UNC5D: variants seen among roughly 807,000 people sequenced by gnomAD.
UNC5D encodes the protein netrin receptor UNC5D.
UNC5D carries 39 observed loss-of-function variants against 105.4 expected under a neutral mutation model. That is an observed-to-expected ratio of 0.37 (90% CI 0.29 to 0.48). The LOEUF (loss-of-function observed/expected upper bound fraction) is 0.48. UNC5D is among the 20% of genes least tolerant of loss of function. The pLI is 0.98. For synonymous variants in UNC5D, 452 were observed against 450.4 expected (o/e 1.00, Z -0.04); for missense variants, 991 against 1,202.4 (o/e 0.82, Z 2.60).
chr8:35,700,833 G>A (rs946852855), intron 7 of UNC5D, among the ~76,000 whole-genome samples: 3 of 152,168 alleles, frequency 2.0e-5, no homozygotes, highest in African/African-American at 7.2e-5. Context: ...GTGGAGTCAT[G>A]TTAGATTCTT....
chr8:35,271,950 A>G (rs1482629542), intron 1 of UNC5D, among the ~76,000 whole-genome samples: 3 of 152,070 alleles, frequency 2.0e-5, no homozygotes, highest in South Asian at 4.1e-4. Context: ...TGTAGATAAG[A>G]ATATCATGGC....
intron 11 of UNC5D, among the ~76,000 whole-genome samples, chr8:35,744,370 T>C (rs1250439173): frequency 2.0e-5 from 3 of 152,260 alleles, no homozygotes; most frequent in Non-Finnish European, 4.4e-5. Flanking sequence ...ACTTTGGGAA[T>C]GTGTAAATAG....
intron 2 of UNC5D, among the ~76,000 whole-genome samples, chr8:35,555,495 T>G (rs1816476027): frequency 6.6e-6 from 1 of 152,188 alleles, no homozygotes; most frequent in African/African-American, 2.4e-5. Context: ...GACCAGTCTC[T>G]TTAGTTCACA....
chr8:35,579,830 A>G (rs1818355030), intron 3 of UNC5D, among the ~76,000 whole-genome samples: 2 of 152,200 alleles, frequency 1.3e-5, no homozygotes, highest in Admixed American at 1.3e-4. Flanking sequence ...ATGCTATCAT[A>G]CTTTCCAAAC....
chr8:35,714,060 T>C (rs1050872613), intron 8 of UNC5D, among the ~76,000 whole-genome samples: 5 of 152,108 alleles, frequency 3.3e-5, no homozygotes, highest in Admixed American at 2.6e-4. Flanking sequence ...AATCAAAGAC[T>C]GGGGGTGTGG....
At chr8:35,781,975 A>G (rs1022975326) in intron 16 of UNC5D, among the ~76,000 whole-genome samples, 3 of 152,250 alleles carry the variant, frequency 2.0e-5, no homozygotes, top group African/African-American at 7.2e-5. Flanking sequence ...CACCACTTTT[A>G]GAACAAGGCA....
intron 3 of UNC5D, among the ~76,000 whole-genome samples, chr8:35,571,053 A>T (rs1010209523): frequency 6.6e-6 from 1 of 152,060 alleles, no homozygotes; most frequent in Non-Finnish European, 1.5e-5. Context: ...GGGGTTTGCT[A>T]TGTTGCCCAG....
At chr8:35,386,563 G>T (rs1484598675) in intron 1 of UNC5D, among the ~76,000 whole-genome samples, 1 of 152,224 alleles carries the variant, frequency 6.6e-6, no homozygotes, top group Non-Finnish European at 1.5e-5. Context: ...TAGAAGAGCT[G>T]TTGCTGTATT....
chr8:35,707,947 A>G (rs1470430574), intron 8 of UNC5D, among the ~76,000 whole-genome samples: 2 of 152,198 alleles, frequency 1.3e-5, no homozygotes, highest in African/African-American at 4.8e-5. Context: ...TGTGATTGCA[A>G]AAGGCTCCCA....
At chr8:35,288,678 C>CA (rs1563283020) in intron 1 of UNC5D, among the ~76,000 whole-genome samples, 1 of 152,068 alleles carries the variant, frequency 6.6e-6, no homozygotes, top group Admixed American at 6.5e-5. Flanking sequence ...ATAGAAATTA[C>CA]AAAAACAAAT....
chr8:35,541,671 T>C (rs921757264), intron 1 of UNC5D, among the ~76,000 whole-genome samples: 9 of 151,802 alleles, frequency 5.9e-5, no homozygotes, highest in Non-Finnish European at 1.2e-4. Context: ...CTCTCCTCTG[T>C]ACCCAATGAC....
chr8:35,708,549 A>G (rs1827745034), intron 8 of UNC5D, among the ~76,000 whole-genome samples: 1 of 152,206 alleles, frequency 6.6e-6, no homozygotes, highest in African/African-American at 2.4e-5. Flanking sequence ...TCTGAATGGC[A>G]AACACGCACC....
intron 4 of UNC5D, among the ~76,000 whole-genome samples, chr8:35,598,950 C>T (rs1199921452): frequency 1.3e-5 from 2 of 151,980 alleles, no homozygotes; most frequent in Non-Finnish European, 2.9e-5. Flanking sequence ...TGAGACCAGC[C>T]TGCCTAACAT....
intron 14 of UNC5D, among the ~76,000 whole-genome samples, chr8:35,760,854 T>C (rs770168228): frequency 3.3e-5 from 5 of 152,004 alleles, no homozygotes; most frequent in East Asian, 1.9e-4. Context: ...AAAACCTTGA[T>C]TGCATCATGA....
At chr8:35,705,583 G>A (rs933300478) in intron 7 of UNC5D, among the ~76,000 whole-genome samples, 14 of 152,106 alleles carry the variant, frequency 9.2e-5, no homozygotes, top group African/African-American at 3.4e-4. Flanking sequence ...ATCCTTACCT[G>A]AGCAGGCTTC....
intron 3 of UNC5D, among the ~76,000 whole-genome samples, chr8:35,578,271 A>ATT (rs1818234785): frequency 8.8e-6 from 1 of 113,862 alleles, no homozygotes; most frequent in Non-Finnish European, 1.9e-5. Flanking sequence ...CTCTGTCTCA[A>ATT]AAAAAAAAAA....
intron 1 of UNC5D, among the ~76,000 whole-genome samples, chr8:35,429,935 T>C (rs578175770): frequency 6.6e-6 from 1 of 152,322 alleles, no homozygotes; most frequent in South Asian, 2.1e-4. Flanking sequence ...GTATCCTTAG[T>C]AGTTCTATAG....
At chr8:35,559,229 T>G (rs1015073096) in intron 2 of UNC5D, among the ~76,000 whole-genome samples, 1 of 152,138 alleles carries the variant, frequency 6.6e-6, no homozygotes, top group Admixed American at 6.5e-5. Context: ...GCACCAAGAC[T>G]GGGACGAGAT....
At chr8:35,255,311 G>T (rs1563253650) in intron 1 of UNC5D, 1 of 152,066 alleles carries the variant, frequency 6.6e-6, no homozygotes, top group African/African-American at 2.4e-5. Flanking sequence ...TTAACAACTG[G>T]TCATCCTGAG....
Sources: gnomAD v4.1 joint callset for allele counts (sites outside exome capture counted in the v4.1 genomes callset) on GRCh38, gnomAD v4.1.1 for gene constraint, MANE v1.5 for transcripts, NCBI Gene and HGNC (gene_info 2026-07-23, HGNC 2026-07-21) for gene names.